The following ABCB11 variants were observed in gnomAD, a reference collection of about 807,000 sequenced individuals.
ABCB11 encodes the protein ATP binding cassette subfamily B member 11.
ABCB11 carries 95 observed loss-of-function variants against 148.0 expected under a neutral mutation model. That is an observed-to-expected ratio of 0.64 (90% CI 0.54 to 0.76). The LOEUF (loss-of-function observed/expected upper bound fraction) is 0.76, where lower values mean the gene tolerates loss of function less well. ABCB11 is among the 30% of genes least tolerant of loss of function. The pLI, the probability that ABCB11 is intolerant of heterozygous loss-of-function variation, is 0.00. For missense variants in ABCB11, 1,523 were observed against 1,617.8 expected (o/e 0.94, Z 1.01); for synonymous variants, 591 against 555.4 (o/e 1.06, Z -0.90).
chr2:169,001,279 G>C (rs532365235), intron 5 of ABCB11, among the ~76,000 whole-genome samples: 101 of 152,086 alleles, frequency 6.6e-4, no homozygotes, highest in Non-Finnish European at 1.2e-3. Context: ...TTGTTACTAC[G>C]CACTCCCTTC....
At chr2:168,980,056 A>G (rs1021870901) in intron 10 of ABCB11, 77 bp from the exon 11 acceptor site, 1 of 799,590 alleles carries the variant, frequency 1.3e-6, no homozygotes, top group Non-Finnish European at 2.1e-6. Context: ...TGGGTCTTCC[A>G]TGTTAACGCA....
chr2:168,924,630 C>T, intron 27 of ABCB11, 27 bp downstream of exon 27: 1 of 1,611,664 alleles, frequency 6.2e-7, no homozygotes, highest in African/African-American at 1.3e-5. Flanking sequence ...TTGTAATGAT[C>T]TAAGACTTTA....
chr2:168,973,574 A>T, intron 13 of ABCB11, 141 bp downstream of exon 13: 1 of 1,062,610 alleles, frequency 9.4e-7, no homozygotes, highest in Non-Finnish European at 1.3e-6. Context: ...AGCGTGTCCC[A>T]TCAATTCAGT....
Position 168,971,872 on chromosome 2 carries a change from T to C in ABCB11, c.1613A>G (p.Tyr538Cys), listed in dbSNP as rs750975007. ...CTGTGGCAGGTCCATGATGAAGTTG[T>C]AGGCATTGGCCTCCTTGGCAGCTTG... ...IVQAAKEANA[Y>C]NFIMDLPQQF... The change falls in exon 14 of 28, where the codon TAC becomes TGC. Residue 538 changes from tyrosine to cysteine, a missense_variant. Tyr to Cys is a radical substitution (Grantham distance 194). Coordinates refer to ENST00000650372, the MANE Select transcript of ABCB11 (RefSeq NM_003742.4). 1 of 1,612,890 alleles carries C rather than the reference T, an allele frequency of 6.2e-7. No individual in the cohort carries two copies. Among genetic ancestry groups the C allele is most frequent in the Non-Finnish European group, 8.5e-7 (1 of 1,179,236 alleles).
rs748609717 is a variant in ABCB11, at chr2:168,995,462, G to A, written c.498C>T (p.Ala166=). The A allele has an allele frequency of 1.7e-5, 27 of 1,611,084 alleles. No homozygotes were observed. The highest frequency in any genetic ancestry group is 1.6e-4 in the Middle Eastern group (1 of 6,062). The change falls in exon 7 of 28, where the codon GCC becomes GCT. Residue 166 remains alanine (A), a synonymous_variant. Coordinates refer to ENST00000650372, the MANE Select transcript of ABCB11 (RefSeq NM_003742.4). ...GYIQICFWVI[A]AARQIQKMRK... is the part of the protein sequence containing the mutation. The stretch of plus-strand genomic sequence containing the variant: ...TCATTTTCTGTATCTGACGAGCTGC[G>A]GCAATGACCCAAAAGCATATCTGGA...
intron 12 of ABCB11, among the ~76,000 whole-genome samples, chr2:168,974,681 A>C (rs1693736247): frequency 6.6e-6 from 1 of 152,020 alleles, no homozygotes; most frequent in Admixed American, 6.6e-5. Flanking sequence ...CGTACTATGA[A>C]TAAATACATA....
At chr2:169,026,204 G>A (rs1695689061) in intron 1 of ABCB11, among the ~76,000 whole-genome samples, 1 of 152,194 alleles carries the variant, frequency 6.6e-6, no homozygotes, top group Admixed American at 6.5e-5. Context: ...GTGAGTACCA[G>A]GCCAGCTATG....
chr2:168,955,099 T>G (rs888265773), intron 19 of ABCB11, among the ~76,000 whole-genome samples: 1 of 151,692 alleles, frequency 6.6e-6, no homozygotes, highest in Non-Finnish European at 1.5e-5. Context: ...GAATTTCTGC[T>G]TATTTTTTTA....
intron 5 of ABCB11, among the ~76,000 whole-genome samples, chr2:168,999,429 T>G (rs1694810009): frequency 6.6e-6 from 1 of 151,972 alleles, no homozygotes; most frequent in African/African-American, 2.4e-5. Context: ...GATCAGAACA[T>G]TCTCATCATC....
chr2:168,923,450 T>C lies in ABCB11; in HGVS notation c.*172A>G, dbSNP rs1410134936. The C allele has an allele frequency of 3.1e-5, 20 of 645,856 alleles. No homozygotes were observed. Among genetic ancestry groups the C allele is most frequent in the Non-Finnish European group, 4.8e-5 (18 of 371,612 alleles). 40.0% of individuals were successfully genotyped at this position (645,856 alleles called of 1,614,324 possible). On this transcript the variant is annotated 3_prime_UTR_variant, in exon 28 of 28. Coordinates refer to ENST00000650372, the MANE Select transcript of ABCB11 (RefSeq NM_003742.4). ...AAAGCAGAATTATTATGGAAGGCCA[T>C]TAGAAATTAGCTTGGATTCCGATGT...
chr2:168,932,207 G>A (rs955521461), intron 24 of ABCB11, among the ~76,000 whole-genome samples, 170 bp downstream of exon 24: 1 of 152,050 alleles, frequency 6.6e-6, no homozygotes, highest in African/African-American at 2.4e-5. Context: ...CCCACCCTGT[G>A]TCCATGTGTT....
chr2:168,964,451 G>A, intron 17 of ABCB11, 143 bp from the exon 18 acceptor site: 1 of 690,488 alleles, frequency 1.4e-6, no homozygotes, highest in South Asian at 1.8e-5. Context: ...GGAGCTTGCA[G>A]GTTAGGTTTG....
chr2:168,999,979 A>G (rs73020773), intron 5 of ABCB11, among the ~76,000 whole-genome samples: 3,617 of 152,190 alleles, frequency 0.024, 67 homozygotes, highest in African/African-American at 0.041. Context: ...CATCTTCATC[A>G]ACATTTAGGG....
At chr2:168,960,852 T>G (rs1350572588) in intron 18 of ABCB11, among the ~76,000 whole-genome samples, 1 of 151,710 alleles carries the variant, frequency 6.6e-6, no homozygotes, top group Non-Finnish European at 1.5e-5. Context: ...TTTTGCAAAA[T>G]TAAACATAAA....
At chr2:168,975,314 TAGATAAATATATAAATATATAA>T (rs1693797970) in intron 12 of ABCB11, among the ~76,000 whole-genome samples, 1 of 59,608 alleles carries the variant, frequency 1.7e-5, no homozygotes, top group African/African-American at 7.3e-5. Context: ...TAAATATTTA[TAGATAAATATATAAATATATAA>T]ATATTTTTAT....
At chr2:168,988,637 G>A (rs1008096176) in intron 9 of ABCB11, among the ~76,000 whole-genome samples, 1 of 152,064 alleles carries the variant, frequency 6.6e-6, no homozygotes, top group Non-Finnish European at 1.5e-5. Flanking sequence ...ACCCAGTAGT[G>A]GGGATGCTGG....
At chr2:168,976,519 C>A in intron 12 of ABCB11, 58 bp downstream of exon 12, 1 of 1,045,096 alleles carries the variant, frequency 9.6e-7, no homozygotes, top group Non-Finnish European at 1.4e-6. Flanking sequence ...TGTGGTTATG[C>A]AAATAAATCA....
chr2:169,015,711 T>A (rs1454137856), intron 3 of ABCB11, among the ~76,000 whole-genome samples: 1 of 152,172 alleles, frequency 6.6e-6, no homozygotes, highest in East Asian at 1.9e-4. Context: ...TCCAGTTTAT[T>A]TTTCCTTCTC....
intron 17 of ABCB11, among the ~76,000 whole-genome samples, chr2:168,964,986 T>C (rs1693236757): frequency 6.6e-6 from 1 of 151,808 alleles, no homozygotes; most frequent in Admixed American, 6.6e-5. Flanking sequence ...CTTCAAAAAA[T>C]TTAAACCTTA....
Sources: gnomAD v4.1 joint callset for allele counts (sites outside exome capture counted in the v4.1 genomes callset) on GRCh38, gnomAD v4.1.1 for gene constraint, MANE v1.5 for transcripts, NCBI Gene and HGNC (gene_info 2026-07-23, HGNC 2026-07-21) for gene names.